Variants in ITGA9 observed in about 807,000 individuals in gnomAD.
ITGA9 encodes the protein integrin alpha-9.
A neutral mutation model predicts 127.8 loss-of-function variants in ITGA9; 56 were observed. That is an observed-to-expected ratio of 0.44 (90% confidence interval 0.35 to 0.55). ITGA9 has a LOEUF of 0.55. Ranked by LOEUF, ITGA9 falls within the 20% of genes least tolerant of loss-of-function variation. The probability of loss-of-function intolerance (pLI) is 0.00; values close to 1 mark genes in which losing one functional copy is unlikely to be tolerated. For missense variants in ITGA9, 1,196 were observed against 1,347.1 expected (o/e 0.89, Z 1.76); for synonymous variants, 508 against 514.5 (o/e 0.99, Z 0.17).
intron 16 of ITGA9, among the ~76,000 whole-genome samples, chr3:37,630,032 A>G (rs1262797026): frequency 6.6e-6 from 1 of 152,224 alleles, no homozygotes; most frequent in Admixed American, 6.5e-5. Flanking sequence ...AGATCACCAC[A>G]GATTCAGAAC....
At chr3:37,653,935 G>A (rs1299423272) in intron 17 of ITGA9, 145 bp downstream of exon 17, 1 of 677,070 alleles carries the variant, frequency 1.5e-6, no homozygotes, top group Non-Finnish European at 2.7e-6. Context: ...TTAAAAAAAT[G>A]TATGTTACAA....
chr3:37,630,208 A>G (rs1195220527), intron 16 of ITGA9, among the ~76,000 whole-genome samples: 1 of 152,206 alleles, frequency 6.6e-6, no homozygotes. Context: ...ACTGAACCAC[A>G]GAGAAGGGTT....
At chr3:37,600,495 C>T (rs565586670) in intron 15 of ITGA9, among the ~76,000 whole-genome samples, 6 of 152,184 alleles carry the variant, frequency 3.9e-5, no homozygotes, top group East Asian at 1.9e-4. Context: ...CAAGCAGGCC[C>T]GGAGAAGGAA....
chr3:37,805,205 G>A (rs926580221), intron 27 of ITGA9, among the ~76,000 whole-genome samples: 1 of 151,726 alleles, frequency 6.6e-6, no homozygotes, highest in East Asian at 1.9e-4. Flanking sequence ...CATGCACAAT[G>A]CCTGGCTCAT....
intron 15 of ITGA9, among the ~76,000 whole-genome samples, chr3:37,544,684 G>A (rs1033667662): frequency 6.6e-6 from 1 of 152,088 alleles, no homozygotes; most frequent in Non-Finnish European, 1.5e-5. Flanking sequence ...GGTCATTCTA[G>A]GGAGAGCAAA....
At chr3:37,506,375 T>C (rs1698844017) in intron 7 of ITGA9, among the ~76,000 whole-genome samples, 1 of 152,208 alleles carries the variant, frequency 6.6e-6, no homozygotes, top group African/African-American at 2.4e-5. Flanking sequence ...CCTGGCCTTA[T>C]GGTGTCCTTC....
chr3:37,735,200 CT>C (rs2125529883), intron 19 of ITGA9, among the ~76,000 whole-genome samples: 1 of 152,318 alleles, frequency 6.6e-6, no homozygotes, highest in Admixed American at 6.5e-5. Context: ...ATTCTTTTGC[CT>C]GTCATCTCAC....
At chr3:37,589,059 G>A (rs901063296) in intron 15 of ITGA9, among the ~76,000 whole-genome samples, 2 of 152,220 alleles carry the variant, frequency 1.3e-5, no homozygotes, top group African/African-American at 4.8e-5. Context: ...TGACCAGCTT[G>A]GTGATTTTTG....
At chr3:37,489,238 A>G (rs773028419) in intron 4 of ITGA9, among the ~76,000 whole-genome samples, 5 of 152,224 alleles carry the variant, frequency 3.3e-5, no homozygotes, top group African/African-American at 4.8e-5. Flanking sequence ...TCTGTTTATA[A>G]AACATTTTCT....
At chr3:37,505,024 G>A (rs1698826205) in intron 6 of ITGA9, among the ~76,000 whole-genome samples, 1 of 152,122 alleles carries the variant, frequency 6.6e-6, no homozygotes, top group Admixed American at 6.6e-5. Flanking sequence ...TTTGTTTCTA[G>A]GTTCCTTTTG....
At chr3:37,546,356 T>C (rs1467888997) in intron 15 of ITGA9, among the ~76,000 whole-genome samples, 1 of 152,186 alleles carries the variant, frequency 6.6e-6, no homozygotes, top group Non-Finnish European at 1.5e-5. Flanking sequence ...CCAGAAGGAC[T>C]GCAGGGGAAT....
rs1700924149 is a variant in ITGA9 at position 37,699,563 on chromosome 3, G to A, written c.2067+15548G>A. On this transcript the variant is annotated intron_variant, in intron 18 of 27. Transcript: ENST00000264741. ...TTTGCCTCATTATTGATTGGCAATA[G>A]CCTTCTTCATAATTGGTTTCCGTGC... Among the ~76,000 whole-genome samples, 3 of 152,200 alleles carry A rather than the reference G, an allele frequency of 2.0e-5. No individual in the cohort carries two copies. The South Asian group carries it at 6.2e-4, about 32-fold the overall frequency.
At chr3:37,647,700 A>T (rs1001481870) in intron 16 of ITGA9, among the ~76,000 whole-genome samples, 1 of 152,020 alleles carries the variant, frequency 6.6e-6, no homozygotes, top group African/African-American at 2.4e-5. Flanking sequence ...ACTTGTTTAG[A>T]TTCCGCAATA....
intron 17 of ITGA9, among the ~76,000 whole-genome samples, chr3:37,671,388 T>G (rs1700636412): frequency 6.6e-6 from 1 of 152,220 alleles, no homozygotes; most frequent in African/African-American, 2.4e-5. Flanking sequence ...TTTGCCTTGT[T>G]AGAAAGAGGA....
rs958305978 is a variant in ITGA9, at chr3:37,612,365, A to G, written c.1690-16822A>G. Among the ~76,000 whole-genome samples the G allele has an allele frequency of 8.5e-5, 13 of 152,342 alleles. No homozygotes were observed. In the East Asian group the frequency reaches 2.5e-3, roughly 29 times the overall value. Reference sequence around the variant, plus strand: ...AAAGACCACTTTATGATATAATAATATACCAGCTTTTTCTTGATGCATGAA... The same window carrying G: ...AAAGACCACTTTATGATATAATAATGTACCAGCTTTTTCTTGATGCATGAA... On this transcript the variant is annotated intron_variant, in intron 15 of 27. Transcript: ENST00000264741.
chr3:37,552,178 C>T (rs1699384607), intron 15 of ITGA9, among the ~76,000 whole-genome samples: 1 of 151,176 alleles, frequency 6.6e-6, no homozygotes, highest in African/African-American at 2.5e-5. Flanking sequence ...GCAGAGAATT[C>T]CTGTTTTGAG....
intron 14 of ITGA9, 72 bp downstream of exon 14, chr3:37,533,540 T>C (rs891052825): frequency 5.3e-6 from 8 of 1,509,084 alleles, no homozygotes; most frequent in Non-Finnish European, 7.3e-6. Flanking sequence ...TTTCCGATGT[T>C]CCCTGTCGCT....
intron 18 of ITGA9, 21 bp from the exon 19 acceptor site, chr3:37,732,679 AGCCGGCCCATCT>A: frequency 6.5e-7 from 1 of 1,544,550 alleles, no homozygotes; most frequent in Non-Finnish European, 8.9e-7. Context: ...CCTTTTGTGC[AGCCGGCCCATCT>A]GTTGGTGCTT....
chr3:37,604,635 A>G (rs1219133086), intron 15 of ITGA9, among the ~76,000 whole-genome samples: 2 of 152,226 alleles, frequency 1.3e-5, no homozygotes, highest in Non-Finnish European at 1.5e-5. Flanking sequence ...GTCTTGAATT[A>G]TGATTCACCT....
Sources: allele counts gnomAD v4.1 joint callset (sites outside exome capture counted in the v4.1 genomes callset), GRCh38; gene constraint gnomAD v4.1.1; transcripts MANE v1.5; gene names NCBI Gene and HGNC (gene_info 2026-07-23, HGNC 2026-07-21).